Variants in CPED1 observed in about 807,000 individuals in gnomAD.
CPED1 encodes the protein cadherin like and PC-esterase domain containing 1.
A neutral mutation model predicts 128.2 loss-of-function variants in CPED1; 114 were observed. The ratio of observed to expected loss-of-function variants is 0.89; its 90% CI spans 0.76 to 1.04. CPED1 has a LOEUF of 1.04. Among genes scored for constraint, CPED1 ranks in the 50% least tolerant of loss-of-function variants. The pLI, the probability that CPED1 is intolerant of heterozygous loss-of-function variation, is 0.00. For synonymous variants in CPED1, 462 were observed against 426.7 expected (o/e 1.08, Z -1.02); for missense variants, 1,211 against 1,207.1 (o/e 1.00, Z -0.05).
rs537452518 is a variant in CPED1 at position 121,124,877 on chromosome 7, A to G, written c.1061+404A>G. Reference sequence around the variant, plus strand: ...AGAGGAGAAAATGAAGAACTTTATTAAGAAAATTCAATAACTCCTATTCCC... The same window carrying G: ...AGAGGAGAAAATGAAGAACTTTATTGAGAAAATTCAATAACTCCTATTCCC... On this transcript the variant is annotated intron_variant, in intron 8 of 22. Transcript: ENST00000310396. Among the ~76,000 whole-genome samples, 8 of 152,316 alleles carry G rather than the reference A, an allele frequency of 5.3e-5. No homozygotes were observed. In the South Asian group the frequency reaches 1.7e-3, roughly 32 times the overall value.
intron 3 of CPED1, among the ~76,000 whole-genome samples, chr7:121,021,565 C>T (rs751308043): frequency 2.3e-4 from 35 of 151,820 alleles, no homozygotes; most frequent in Non-Finnish European, 2.7e-4. Flanking sequence ...ATAAGTAAGA[C>T]GAGCTTAACC....
In CPED1 at chr7:121,094,068, A is replaced by AGGTATAAGAG. The variant is rs1584507289; in HGVS notation, c.617-3629_617-3628insTATAAGAGGG. 2.0e-5 allele frequency among the ~76,000 whole-genome samples: 3 copies of AGGTATAAGAG among 152,332 alleles called. No homozygotes were observed. The East Asian group carries it at 5.8e-4, about 29-fold the overall frequency. ...ATATTTGCAGAGCTGTTATACCTGT[A>AGGTATAAGAG]GGCTAAGTTCTAAGACTTATCAATG... On this transcript the variant is annotated intron_variant, in intron 5 of 22. Coordinates refer to ENST00000310396, the MANE Select transcript of CPED1 (RefSeq NM_024913.5).
At chr7:121,113,507 G>A (rs1465928233) in intron 7 of CPED1, among the ~76,000 whole-genome samples, 1 of 152,190 alleles carries the variant, frequency 6.6e-6, no homozygotes, top group African/African-American at 2.4e-5. Context: ...GAAGAGGGAT[G>A]TTTACATTTG....
intron 2 of CPED1, among the ~76,000 whole-genome samples, chr7:120,994,330 C>CT (rs1406767771): frequency 6.6e-6 from 1 of 152,082 alleles, no homozygotes; most frequent in Non-Finnish European, 1.5e-5. Flanking sequence ...CTCCCGATAT[C>CT]TTTCATTTAT....
At chr7:121,128,062 G>A (rs1341595805) in intron 10 of CPED1, among the ~76,000 whole-genome samples, 1 of 152,012 alleles carries the variant, frequency 6.6e-6, no homozygotes, top group Non-Finnish European at 1.5e-5. Flanking sequence ...CTATTGTCAT[G>A]TTTGGGCAAA....
At chr7:121,193,800 A>G (rs1351361050) in intron 16 of CPED1, among the ~76,000 whole-genome samples, 1 of 151,866 alleles carries the variant, frequency 6.6e-6, no homozygotes, top group African/African-American at 2.4e-5. Context: ...CCTATTTCTG[A>G]TTTATGTCAA....
chr7:121,129,312 CGTATATATATATATATATAT>C (rs1795599139), intron 11 of CPED1, among the ~76,000 whole-genome samples: 2 of 13,650 alleles, frequency 1.5e-4, no homozygotes, highest in Non-Finnish European at 2.4e-4. Context: ...TATATATATA[CGTATATATATATATATATAT>C]ATACGTATAT....
chr7:121,164,004 G>A (rs1796468765), intron 16 of CPED1, among the ~76,000 whole-genome samples: 1 of 152,204 alleles, frequency 6.6e-6, no homozygotes, highest in Non-Finnish European at 1.5e-5. Context: ...ATTTTAGTTA[G>A]AAGTATGTCC....
chr7:121,138,027 C>T (rs1795821999), intron 14 of CPED1, among the ~76,000 whole-genome samples: 3 of 151,952 alleles, frequency 2.0e-5, no homozygotes, highest in Admixed American at 2.0e-4. Flanking sequence ...ACTTTAACTT[C>T]GTTCATGTTT....
chr7:121,144,490 T>C (rs1368296013), intron 16 of CPED1, among the ~76,000 whole-genome samples: 1 of 151,960 alleles, frequency 6.6e-6, no homozygotes, highest in Non-Finnish European at 1.5e-5. Context: ...GTGGATATCA[T>C]GGAGATAAAG....
Position 121,271,412 on chromosome 7 carries a change from T to C in CPED1, c.2850T>C (p.Cys950=), listed in dbSNP as rs1163980282. 4 of 1,612,446 alleles carry C rather than the reference T, an allele frequency of 2.5e-6. No homozygotes were observed. Among genetic ancestry groups the C allele is most frequent in the Non-Finnish European group, 3.4e-6 (4 of 1,179,098 alleles). The part of the protein sequence containing the change: ...GRYKEFLQGK[C]GCHFHEVVKS... ...ACAAAGAGTTTCTACAGGGGAAGTG[T>C]GGATGTCATTTCCATGAGGTATTTA... The change falls in exon 22 of 23, where the codon TGT becomes TGC. Residue 950 remains cysteine (C), a synonymous_variant. Coordinates refer to ENST00000310396, the MANE Select transcript of CPED1 (RefSeq NM_024913.5).
intron 16 of CPED1, among the ~76,000 whole-genome samples, chr7:121,168,967 G>A (rs1584564914): frequency 6.6e-6 from 1 of 152,134 alleles, no homozygotes; most frequent in East Asian, 1.9e-4. Flanking sequence ...CCTCAATGAA[G>A]ACTTTACTGT....
intron 16 of CPED1, among the ~76,000 whole-genome samples, chr7:121,170,559 C>CTGT (rs1485579444): frequency 6.6e-6 from 1 of 152,082 alleles, no homozygotes; most frequent in Non-Finnish European, 1.5e-5. Flanking sequence ...TTAACACTTA[C>CTGT]TGTTATTATT....
intron 18 of CPED1, among the ~76,000 whole-genome samples, chr7:121,260,223 G>GTTTTTTTTTTTTTTTTTTTT (rs59370305): frequency 4.3e-5 from 3 of 69,978 alleles, no homozygotes; most frequent in African/African-American, 5.7e-5. Flanking sequence ...CTTGCTTCGC[G>GTTTTTTTTTTTTTTTTTTTT]TTTTTTTTTT....
intron 2 of CPED1, among the ~76,000 whole-genome samples, chr7:120,991,361 T>C (rs1233179242): frequency 6.6e-6 from 1 of 152,222 alleles, no homozygotes; most frequent in Non-Finnish European, 1.5e-5. Context: ...TTTGTTGTTG[T>C]TGTTCATTTA....
chr7:121,237,269 A>G (rs1434362080), intron 17 of CPED1, among the ~76,000 whole-genome samples: 2 of 152,206 alleles, frequency 1.3e-5, no homozygotes, highest in African/African-American at 4.8e-5. Context: ...AGTTTGCATT[A>G]TACTAATTCA....
At chr7:121,067,512 A>G (rs1041383896) in intron 5 of CPED1, among the ~76,000 whole-genome samples, 1 of 152,134 alleles carries the variant, frequency 6.6e-6, no homozygotes, top group Non-Finnish European at 1.5e-5. Context: ...CCAGTCTATC[A>G]TTGTTGGACA....
Position 121,178,958 on chromosome 7 carries a change from T to A in CPED1, c.2055+36817T>A, listed in dbSNP as rs189708626. Among the ~76,000 whole-genome samples the A allele has an allele frequency of 9.2e-5, 14 of 151,904 alleles. No individual in the cohort carries two copies. The East Asian group carries it at 1.5e-3, about 17-fold the overall frequency. ...TAAAGAACAGGATGCAGCAAAGAGG[T>A]CCAAGGAGACAATCTATATTTAGAA... On this transcript the variant is annotated intron_variant, in intron 16 of 22. Transcript: ENST00000310396.
chr7:121,206,732 GTTTT>G (rs1658935262), intron 16 of CPED1, among the ~76,000 whole-genome samples: 1 of 151,550 alleles, frequency 6.6e-6, no homozygotes, highest in Non-Finnish European at 1.5e-5. Flanking sequence ...TGTTTTTAAT[GTTTT>G]TTAACGGCTG....
Sources: allele counts gnomAD v4.1 joint callset (sites outside exome capture counted in the v4.1 genomes callset), GRCh38; gene constraint gnomAD v4.1.1; transcripts MANE v1.5; gene names NCBI Gene and HGNC (gene_info 2026-07-23, HGNC 2026-07-21).